The following EPM2A variants were observed in gnomAD, a reference collection of about 807,000 sequenced individuals.
EPM2A encodes the protein laforin.
EPM2A carries 21 observed loss-of-function variants against 26.5 expected under a neutral mutation model. The ratio of observed to expected loss-of-function variants is 0.79; its 90% confidence interval spans 0.56 to 1.14. The LOEUF is 1.14. Among genes scored for constraint, EPM2A ranks in the 50% most tolerant of loss-of-function variants. The pLI is 0.00. For synonymous variants in EPM2A, 217 were observed against 177.6 expected (o/e 1.22, Z -1.76); for missense variants, 458 against 440.8 (o/e 1.04, Z -0.35).
chr6:145,486,359 T>C (rs1343794131), intron 4 of EPM2A, among the ~76,000 whole-genome samples: 1 of 152,180 alleles, frequency 6.6e-6, no homozygotes, highest in Non-Finnish European at 1.5e-5. Flanking sequence ...CATGATGTTA[T>C]AACATACATT....
At chr6:145,645,171 T>TC (rs1474035233) in intron 2 of EPM2A, among the ~76,000 whole-genome samples, 2 of 152,200 alleles carry the variant, frequency 1.3e-5, no homozygotes, top group African/African-American at 4.8e-5. Context: ...ATACCTAGCT[T>TC]CTATTGAGTG....
At chr6:145,434,290 T>A (rs1405941137) in intron 4 of EPM2A, among the ~76,000 whole-genome samples, 4 of 151,406 alleles carry the variant, frequency 2.6e-5, no homozygotes, top group Non-Finnish European at 5.9e-5. Context: ...AGACAGGGTC[T>A]CCTTCTGTCA....
At chr6:145,562,838 C>A (rs1780827148) in intron 2 of EPM2A, among the ~76,000 whole-genome samples, 1 of 151,532 alleles carries the variant, frequency 6.6e-6, no homozygotes. Context: ...GGTGATGAGA[C>A]TGGAAAATGG....
intron 2 of EPM2A, among the ~76,000 whole-genome samples, chr6:145,518,897 T>C (rs1372637461): frequency 6.6e-6 from 1 of 151,928 alleles, no homozygotes; most frequent in African/African-American, 2.4e-5. Context: ...CAACCAGACA[T>C]ACAGAAGTTG....
intron 2 of EPM2A, among the ~76,000 whole-genome samples, chr6:145,684,514 T>A (rs912719528): frequency 4.6e-5 from 7 of 152,202 alleles, no homozygotes; most frequent in African/African-American, 1.7e-4. Flanking sequence ...TTCTAAATTG[T>A]GTGAACCAGG....
intron 4 of EPM2A, chr6:145,489,546 T>TCCACTTTGGA: frequency 2.9e-6 from 2 of 683,818 alleles, no homozygotes; most frequent in Middle Eastern, 8.4e-4. Context: ...GGTCCACTTG[T>TCCACTTTGGA]CTGTTAGCTT....
chr6:145,557,233 T>C lies in EPM2A; in HGVS notation c.341-54658A>G, dbSNP rs546691964. 2.2e-3 allele frequency among the ~76,000 whole-genome samples: 331 copies of C among 152,172 alleles called. 3 individuals are homozygous for C. The highest frequency in any genetic ancestry group is 7.2e-3 in the African/African-American group (301 of 41,536). ...TTCCACAGAACCATTGGCTGAAATA[T>C]AAGCTCAACTGCAAGGAAATAGCAA... On this transcript the variant is annotated intron_variant, in intron 2 of 3. Transcript: ENST00000450221.
chr6:145,408,548 A>C (rs1298466514), intron 4 of EPM2A, among the ~76,000 whole-genome samples: 2 of 152,160 alleles, frequency 1.3e-5, no homozygotes, highest in African/African-American at 4.8e-5. Context: ...TTGCTTAGCC[A>C]TGTTAAATTC....
chr6:145,406,013 C>CACACACACACACAA (rs1554233750), intron 4 of EPM2A, among the ~76,000 whole-genome samples: 1 of 144,910 alleles, frequency 6.9e-6, no homozygotes, highest in African/African-American at 2.5e-5. Flanking sequence ...CACACACACA[C>CACACACACACACAA]AACAGACAGA....
intron 4 of EPM2A, among the ~76,000 whole-genome samples, chr6:145,466,923 C>G (rs1211153140): frequency 1.3e-5 from 2 of 152,106 alleles, no homozygotes; most frequent in Non-Finnish European, 2.9e-5. Context: ...CATTCTCACT[C>G]ATAGGTGGGA....
intron 4 of EPM2A, among the ~76,000 whole-genome samples, chr6:145,408,685 C>CT (rs1778602021): frequency 6.6e-6 from 1 of 152,160 alleles, no homozygotes; most frequent in African/African-American, 2.4e-5. Flanking sequence ...CAATGTGGTA[C>CT]TGTCTTAGTC....
chr6:145,485,569 T>C (rs938774585), intron 4 of EPM2A, among the ~76,000 whole-genome samples: 5 of 152,090 alleles, frequency 3.3e-5, no homozygotes, highest in African/African-American at 1.2e-4. Context: ...GAAGATTAAA[T>C]GTCACATGGA....
chr6:145,621,001 T>C (rs566834675), downstream of EPM2A, among the ~76,000 whole-genome samples: 1 of 152,190 alleles, frequency 6.6e-6, no homozygotes, highest in Non-Finnish European at 1.5e-5. Flanking sequence ...ATACAATACA[T>C]TATTATTGTC....
chr6:145,391,471 T>C (rs1272419920), intron 4 of EPM2A, among the ~76,000 whole-genome samples: 1 of 152,170 alleles, frequency 6.6e-6, no homozygotes, highest in African/African-American at 2.4e-5. Context: ...CACCCCAAAG[T>C]GAACATGAGA....
chr6:145,474,199 T>C (rs952867967), intron 4 of EPM2A, among the ~76,000 whole-genome samples: 3 of 152,110 alleles, frequency 2.0e-5, no homozygotes, highest in African/African-American at 7.2e-5. Context: ...TGGTGGCTCA[T>C]GCCTGTAATC....
chr6:145,658,774 T>A (rs1206829354), intron 2 of EPM2A, among the ~76,000 whole-genome samples: 1 of 152,172 alleles, frequency 6.6e-6, no homozygotes, highest in Non-Finnish European at 1.5e-5. Flanking sequence ...CAAAAATGGT[T>A]TTGATTTTTA....
chr6:145,526,722 T>C (rs531935875), intron 2 of EPM2A, among the ~76,000 whole-genome samples: 4 of 152,162 alleles, frequency 2.6e-5, no homozygotes, highest in Admixed American at 6.6e-5. Flanking sequence ...CAACCTTGTA[T>C]ATCCTTTCAA....
intron 2 of EPM2A, among the ~76,000 whole-genome samples, chr6:145,600,456 A>C (rs937241044): frequency 1.3e-5 from 2 of 152,164 alleles, no homozygotes; most frequent in African/African-American, 4.8e-5. Flanking sequence ...TGTCCTTTCA[A>C]AGAACACTAA....
intron 2 of EPM2A, among the ~76,000 whole-genome samples, chr6:145,593,921 G>C (rs917827207): frequency 5.0e-4 from 76 of 151,574 alleles, no homozygotes; most frequent in Non-Finnish European, 8.7e-4. Flanking sequence ...ACAAACTAAA[G>C]CGAAAATCAA....
Sources: allele counts gnomAD v4.1 joint callset (sites outside exome capture counted in the v4.1 genomes callset), GRCh38; gene constraint gnomAD v4.1.1; transcripts MANE v1.5; gene names NCBI Gene and HGNC (gene_info 2026-07-23, HGNC 2026-07-21).